Variants in GET4 observed in about 807,000 individuals in gnomAD.
GET4 encodes the protein Golgi to ER traffic protein 4 homolog.
In GET4, 20 loss-of-function variants were observed where a neutral mutation model predicts 40.0. The observed-to-expected ratio is 0.50, with a 90% CI of 0.35 to 0.73. GET4 has a LOEUF of 0.73. Among genes scored for constraint, GET4 ranks in the 30% least tolerant of loss-of-function variants. The probability of loss-of-function intolerance (pLI) is 0.01; values close to 1 mark genes in which losing one functional copy is unlikely to be tolerated. For synonymous variants in GET4, 280 were observed against 194.6 expected (o/e 1.44, Z -3.65); for missense variants, 557 against 454.0 (o/e 1.23, Z -2.06).
chr7:892,585 T>G, intron 6 of GET4, 167 bp downstream of exon 6: 2 of 625,048 alleles, frequency 3.2e-6, no homozygotes, highest in Non-Finnish European at 5.5e-6. Context: ...GGCATAGGTG[T>G]GTGTGCAGGT....
chr7:887,480 C>A lies in GET4; in HGVS notation c.427C>A (p.Pro143Thr). The change falls in exon 4 of 9, where the codon CCC becomes ACC. Residue 143 changes from proline to threonine, a missense_variant. Pro to Thr is a conservative substitution (Grantham distance 38). Coordinates refer to ENST00000265857, the MANE Select transcript of GET4 (RefSeq NM_015949.3). The stretch of plus-strand genomic sequence containing the variant: ...TGGGGGCTCCGGGAAGCTGGGCCAC[C>A]CCCGGCTGCACCAGCTGCTGGCCCT... ...SSGGSGKLGHPRLHQLLALTL... is the reference protein window; with the variant it reads ...SSGGSGKLGHTRLHQLLALTL... 6.3e-7 allele frequency: 1 copy of A among 1,580,344 alleles called. No individual in the cohort carries two copies. Among genetic ancestry groups the A allele is most frequent in the Non-Finnish European group, 8.6e-7 (1 of 1,162,206 alleles).
intron 2 of GET4, 136 bp downstream of exon 2, chr7:886,270 G>C: frequency 1.5e-6 from 1 of 649,396 alleles, no homozygotes; most frequent in Non-Finnish European, 2.7e-6. Flanking sequence ...GGGTGGCAGA[G>C]GGGCCCAGAG....
intron 1 of GET4, among the ~76,000 whole-genome samples, 186 bp downstream of exon 1, chr7:876,986 G>A (rs1187775444): frequency 6.6e-6 from 1 of 151,650 alleles, no homozygotes. Flanking sequence ...GCCCTGTGTG[G>A]CCCGGCGCCC....
rs781637888 is a variant in GET4, at chr7:895,376, A to G, written c.938A>G (p.Asp313Gly). The change falls in exon 9 of 9, where the codon GAT becomes GGT. Residue 313 changes from aspartate (D) to glycine (G), a missense_variant. Asp to Gly is a moderately conservative substitution (Grantham distance 94, BLOSUM62 -1). Coordinates refer to ENST00000265857, the MANE Select transcript of GET4 (RefSeq NM_015949.3). ...TSLMGSSEQE[D>G]GEESPSDGSP... ...CTCATGGGCTCCTCAGAGCAGGAGG[A>G]TGGGGAGGAGAGCCCCAGCGACGGC... 7 of 1,600,614 alleles carry G rather than the reference A, an allele frequency of 4.4e-6. No homozygotes were observed. The highest frequency in any genetic ancestry group is 1.7e-5 in the Admixed American group (1 of 59,756).
intron 3 of GET4, chr7:887,167 C>T (rs766810433): frequency 2.7e-6 from 2 of 731,948 alleles, no homozygotes; most frequent in Non-Finnish European, 5.0e-6. Context: ...TCCGTCCTTC[C>T]TTCCTCGCTG....
intron 5 of GET4, 41 bp downstream of exon 5, chr7:891,107 G>C: frequency 6.5e-7 from 1 of 1,532,588 alleles, no homozygotes. Flanking sequence ...TTCCATTGCT[G>C]CCTTGGCTGG....
intron 1 of GET4, chr7:885,214 A>G (rs1480966152): frequency 1.3e-5 from 2 of 152,274 alleles, no homozygotes; most frequent in African/African-American, 4.8e-5. Flanking sequence ...GGCAGCGATC[A>G]TTAAGAAAAA....
intron 1 of GET4, chr7:880,042 A>T (rs944400731): frequency 1.3e-5 from 2 of 152,248 alleles, no homozygotes; most frequent in African/African-American, 4.8e-5. Context: ...GAATTTGTAT[A>T]TAAATATTTG....
rs781724264 is a variant in GET4, at chr7:885,965, G to A, written c.156-91G>A. The A allele has an allele frequency of 1.1e-4, 90 of 800,172 alleles. 2 individuals are homozygous for A. Among genetic ancestry groups the A allele is most frequent in the Non-Finnish European group, 1.7e-4 (77 of 458,002 alleles). The allele number at this position is 800,172 out of a possible 1,614,324, so 49.6% of individuals were successfully genotyped here. ...TTTAGGATGCCACCTGTTCCTGGGCGCCTTGTTTTTAGCTTCTGACCTGAA... is the reference window on the plus strand; with the variant it reads ...TTTAGGATGCCACCTGTTCCTGGGCACCTTGTTTTTAGCTTCTGACCTGAA... On this transcript the variant is annotated intron_variant, in intron 1 of 8. Coordinates refer to ENST00000265857, the MANE Select transcript of GET4 (RefSeq NM_015949.3).
At position 895,498 on chromosome 7, in the gene GET4, C is replaced by T. The variant is rs1273439483; in HGVS notation, c.*76C>T. 2 of 742,794 alleles carry T rather than the reference C, an allele frequency of 2.7e-6. No homozygotes were observed. The highest frequency in any genetic ancestry group is 4.6e-6 in the Non-Finnish European group (2 of 436,180). 46.0% of individuals were successfully genotyped at this position (742,794 alleles called of 1,614,324 possible). ...TTTCAGAGGCGAGTCCTGGGTGGCT[C>T]CTCGCCTTGGGGGCTCCTGGCCCTG... On this transcript the variant is annotated 3_prime_UTR_variant, in exon 9 of 9. Coordinates refer to ENST00000265857, the MANE Select transcript of GET4 (RefSeq NM_015949.3).
rs1166397674 is a variant in GET4 at position 895,819 on chromosome 7, A to G, written c.*397A>G. 3 of 156,390 alleles carry G rather than the reference A, an allele frequency of 1.9e-5. No homozygotes were observed. The highest frequency in any genetic ancestry group is 7.2e-5 in the African/African-American group (3 of 41,726). 9.7% of individuals were successfully genotyped at this position (156,390 alleles called of 1,614,324 possible). The stretch of plus-strand genomic sequence containing the variant: ...GCGTCCGGCACAGCTGCGGTCACCA[A>G]AGCAGGTGCTGGCCCTCGGACCTGA... On this transcript the variant is annotated 3_prime_UTR_variant, in exon 9 of 9. Coordinates refer to ENST00000265857, the MANE Select transcript of GET4 (RefSeq NM_015949.3).
At chr7:892,186 G>T in intron 5 of GET4, 92 bp from the exon 6 acceptor site, 1 of 1,361,356 alleles carries the variant, frequency 7.3e-7, no homozygotes. Flanking sequence ...GTGGGCGCAC[G>T]AGCTTGGGAA....
Position 888,887 on chromosome 7 carries a change from G to A in GET4, c.466+1368G>A, listed in dbSNP as rs117381468. Among the ~76,000 whole-genome samples, 159 of 152,322 alleles carry A rather than the reference G, an allele frequency of 1.0e-3. 4 individuals are homozygous for A. The East Asian group carries it at 0.029, about 28-fold the overall frequency. On this transcript the variant is annotated intron_variant, in intron 4 of 8. Transcript: ENST00000265857. ...CAGGAGCTGCCCCCACCCCCTGCCC[G>A]GGAGCTGTCGTCTGTCTTTCGGATG...
chr7:878,445 G>A (rs1290801994), intron 1 of GET4: 6 of 458,754 alleles, frequency 1.3e-5, no homozygotes, highest in African/African-American at 6.0e-5. Context: ...AGAGGATTTA[G>A]TATTTTCCAT....
intron 6 of GET4, among the ~76,000 whole-genome samples, chr7:893,254 G>T (rs1844377116): frequency 7.1e-6 from 1 of 141,228 alleles, no homozygotes; most frequent in African/African-American, 2.7e-5. Flanking sequence ...GCAGGTGAGT[G>T]TTGGGCGCGG....
Position 895,965 on chromosome 7 carries a change from A to G in GET4, c.*543A>G, listed in dbSNP as rs947772549. 1 of 152,190 alleles carries G rather than the reference A, an allele frequency of 6.6e-6. No individual in the cohort carries two copies. The highest frequency in any genetic ancestry group is 1.5e-5 in the Non-Finnish European group (1 of 68,042). 9.4% of individuals were successfully genotyped at this position (152,190 alleles called of 1,614,324 possible). A position where few individuals can be genotyped will look rare whatever the true frequency, so the allele number is the denominator to read the frequency against. On this transcript the variant is annotated 3_prime_UTR_variant, in exon 9 of 9. Transcript: ENST00000265857. ...ACGGAGTGCACGTGCCCTGCGCCAC[A>G]TCCTCACGCTCGGTGGAGGGACGCG... is the stretch of plus-strand genomic sequence containing the variant.
rs767158605 is a variant in GET4, at chr7:892,433, C to G, written c.746+15C>G. 6.3e-7 allele frequency: 1 copy of G among 1,583,274 alleles called. No individual in the cohort carries two copies. Among genetic ancestry groups the G allele is most frequent in the Non-Finnish European group, 8.7e-7 (1 of 1,155,836 alleles). On this transcript the variant is annotated intron_variant, in intron 6 of 8. Coordinates refer to ENST00000265857, the MANE Select transcript of GET4 (RefSeq NM_015949.3). ...GCTGTGGACGGGTGCGTCTTGGGAT[C>G]CTGCAGGGGGAGGGGGCTGTGAATG...
chr7:887,280 T>C (rs1471064087), intron 3 of GET4, 90 bp from the exon 4 acceptor site: 3 of 1,313,816 alleles, frequency 2.3e-6, no homozygotes, highest in South Asian at 2.4e-5. Flanking sequence ...GTTAAGTAGT[T>C]GCGAATGGAA....
chr7:880,837 C>T (rs1032117239), intron 1 of GET4: 4 of 152,174 alleles, frequency 2.6e-5, no homozygotes, highest in Admixed American at 6.5e-5. Context: ...ATGGGTGTAT[C>T]GCCGCCAGAG....
Sources: gnomAD v4.1 joint callset for allele counts (sites outside exome capture counted in the v4.1 genomes callset) on GRCh38, gnomAD v4.1.1 for gene constraint, MANE v1.5 for transcripts, NCBI Gene and HGNC (gene_info 2026-07-23, HGNC 2026-07-21) for gene names.